The following USP16 variants were observed in gnomAD, a reference collection of about 807,000 sequenced individuals.
USP16 encodes the protein ubiquitin specific peptidase 16.
USP16 carries 77 observed loss-of-function variants against 95.9 expected under a neutral mutation model. The ratio of observed to expected loss-of-function variants is 0.80; its 90% confidence interval spans 0.67 to 0.97. The LOEUF is 0.97. Ranked by LOEUF, USP16 falls within the 50% of genes least tolerant of loss-of-function variation. USP16 has a pLI of 0.00. For missense variants in USP16, 943 were observed against 959.9 expected (o/e 0.98, Z 0.23); for synonymous variants, 303 against 318.2 (o/e 0.95, Z 0.51).
Position 29,039,110 on chromosome 21 carries a change from A to G in USP16, c.817A>G (p.Lys273Glu), listed in dbSNP as rs926965396. The part of the protein sequence containing the change: ...QFLNEMQETK[K>E]GVVTPKELFS... ...TCTTAATGAGATGCAAGAGACCAAA[A>G]AGGGGGTTGTGACACCGAAAGAACT... Residue 273 changes from lysine (K) to glutamate (E), a missense_variant, in exon 8 of 18, where the codon AAG becomes GAG. By Grantham distance (56) the Lys-to-Glu change is moderately conservative (BLOSUM62 1). Coordinates refer to ENST00000399976, the MANE Select transcript of USP16 (RefSeq NM_006447.3). 6.3e-7 allele frequency: 1 copy of G among 1,586,438 alleles called. No homozygotes were observed.
At position 29,050,101 on chromosome 21, in the gene USP16, A is replaced by C; in HGVS notation, c.2116A>C (p.Asn706His). 3.1e-6 allele frequency: 5 copies of C among 1,612,946 alleles called. No homozygotes were observed. Among genetic ancestry groups the C allele is most frequent in the Non-Finnish European group, 3.4e-6 (4 of 1,179,648 alleles). ...HLKRFQQAGFNLRKVNKHIKF... is the reference protein window; with the variant it reads ...HLKRFQQAGFHLRKVNKHIKF... ...TATGCTTCTCTTTTAGGCTGGTTTTAACCTACGCAAAGTTAACAAACACAT... is the reference window on the plus strand; with the variant it reads ...TATGCTTCTCTTTTAGGCTGGTTTTCACCTACGCAAAGTTAACAAACACAT... The change falls in exon 16 of 18, where the codon AAC (asparagine) becomes CAC (histidine). Residue 706 changes from asparagine (N) to histidine (H), a missense_variant. Physicochemically the swap from Asn to His is moderately conservative, Grantham distance 68 (BLOSUM62 1). Transcript: ENST00000399976.
At chr21:29,053,551 T>TCA in intron 16 of USP16, 1 of 382,728 alleles carries the variant, frequency 2.6e-6, no homozygotes, top group Non-Finnish European at 4.7e-6. Context: ...ATTTGGTATC[T>TCA]GAGCCAGGTA....
At chr21:29,047,605 G>A (rs1275361912) in intron 14 of USP16, among the ~76,000 whole-genome samples, 1 of 152,028 alleles carries the variant, frequency 6.6e-6, no homozygotes, top group African/African-American at 2.4e-5. Context: ...ACACATAGTG[G>A]CTATTTTTTT....
intron 1 of USP16, chr21:29,024,987 T>A: frequency 2.4e-6 from 1 of 419,016 alleles, no homozygotes; most frequent in Admixed American, 4.7e-5. Flanking sequence ...CTGGCGGCCT[T>A]CTCGACCCCG....
In USP16 at chr21:29,026,163, C is replaced by A. The variant is rs117880008; in HGVS notation, c.-42+1386C>A. Among the ~76,000 whole-genome samples, 559 of 152,146 alleles carry A rather than the reference C, an allele frequency of 3.7e-3. 9 individuals are homozygous for A. The East Asian group carries it at 0.059, about 16-fold the overall frequency. The stretch of plus-strand genomic sequence containing the variant: ...GTACAAAGTGTTTTGGAGTGGAGTA[C>A]AAGAGAAGGACTTGGCCAGGTGCTG... On this transcript the variant is annotated intron_variant, in intron 1 of 17. Coordinates refer to ENST00000399976, the MANE Select transcript of USP16 (RefSeq NM_006447.3).
chr21:29,039,463 C>G lies in USP16; in HGVS notation c.864-18C>G. ...AGTAGACTGAAGATTGCTTTTCTGT[C>G]TTTTTGTTTTTCTCTAGAGCAGTGC... On this transcript the variant is annotated intron_variant, in intron 8 of 17. Coordinates refer to ENST00000399976, the MANE Select transcript of USP16 (RefSeq NM_006447.3). 6.2e-7 allele frequency: 1 copy of G among 1,609,560 alleles called. No homozygotes were observed. The highest frequency in any genetic ancestry group is 8.5e-7 in the Non-Finnish European group (1 of 1,177,240).
In USP16 at chr21:29,030,453, A is replaced by G. The variant is rs1568882923; in HGVS notation, c.62-142A>G. ...TTTATCTCATATTATTCAAATATCA[A>G]ACAATTTTAAGTTCAGAATATCTTA... On this transcript the variant is annotated intron_variant, in intron 2 of 17. Transcript: ENST00000399976. The G allele has an allele frequency of 5.6e-6, 4 of 711,114 alleles. No homozygotes were observed. In the South Asian group the frequency reaches 1.8e-4, roughly 33 times the overall value. The allele number at this position is 711,114 out of a possible 1,614,324, so 44.1% of individuals were successfully genotyped here. A position where few individuals can be genotyped will look rare whatever the true frequency, so the allele number is the denominator to read the frequency against.
intron 9 of USP16, 142 bp downstream of exon 9, chr21:29,039,710 A>G: frequency 3.1e-6 from 2 of 642,610 alleles, no homozygotes; most frequent in South Asian, 4.2e-5. Flanking sequence ...CAGCTTTTTC[A>G]ACTAGTATGT....
chr21:29,036,447 C>T (rs751900105), intron 5 of USP16, 73 bp downstream of exon 5: 434 of 1,368,150 alleles, frequency 3.2e-4, no homozygotes, highest in Non-Finnish European at 4.1e-4. Flanking sequence ...ATTTGTTATA[C>T]TACCTAGCAT....
Position 29,043,483 on chromosome 21 carries a change from G to T in USP16, c.1240G>T (p.Asp414Tyr). 6.3e-7 allele frequency: 1 copy of T among 1,597,100 alleles called. No individual in the cohort carries two copies. The highest frequency in any genetic ancestry group is 8.5e-7 in the Non-Finnish European group (1 of 1,173,354). Residue 414 changes from aspartate to tyrosine, a missense_variant, in exon 13 of 18, where the codon GAT becomes TAT. By Grantham distance (160) the Asp-to-Tyr change is radical (BLOSUM62 -3). Transcript: ENST00000399976. ...LKKTVEDEDQ[D>Y]SEEEKDNDSY... ...AAAGACAGTGGAGGATGAAGATCAA[G>T]ATAGTGAGGAAGAAAAAGATAACGA...
Position 29,036,266 on chromosome 21 carries a change from C to A in USP16, c.345-5C>A. 6.3e-7 allele frequency: 1 copy of A among 1,594,388 alleles called. No homozygotes were observed. Among genetic ancestry groups the A allele is most frequent in the South Asian group, 1.1e-5 (1 of 87,754 alleles). On this transcript the variant is annotated splice_region_variant and splice_polypyrimidine_tract_variant and intron_variant, in intron 4 of 17. Transcript: ENST00000399976. ...CATTTTTCATCTCTGATTTTTGGGT[C>A]ACAGGTGTTACGTATGTGATAATGA...
chr21:29,051,242 T>C (rs573506602), intron 16 of USP16, among the ~76,000 whole-genome samples: 6 of 152,278 alleles, frequency 3.9e-5, no homozygotes, highest in African/African-American at 1.2e-4. Flanking sequence ...GACTTCAGTT[T>C]TAGATACATT....
intron 16 of USP16, among the ~76,000 whole-genome samples, chr21:29,050,853 G>T (rs530475959): frequency 5.6e-4 from 85 of 152,304 alleles, no homozygotes; most frequent in Middle Eastern, 6.8e-3. Flanking sequence ...AAGCACTGGG[G>T]TGGCATGGTC....
chr21:29,024,892 A>G (rs981787669), intron 1 of USP16, 115 bp downstream of exon 1: 3 of 1,086,422 alleles, frequency 2.8e-6, no homozygotes, highest in South Asian at 3.2e-5. Flanking sequence ...CTCCTTAAGC[A>G]CGTAACCCGG....
In USP16 at chr21:29,046,749, A is replaced by T; in HGVS notation, c.1439A>T (p.Glu480Val). 6.2e-7 allele frequency: 1 copy of T among 1,614,052 alleles called. No individual in the cohort carries two copies. Among genetic ancestry groups the T allele is most frequent in the Admixed American group, 1.7e-5 (1 of 60,022 alleles). The part of the protein sequence containing the change: ...ICTIDHPEDS[E>V]YEAEMSLQGE... Reference sequence around the variant, plus strand: ...ACTATTGACCATCCTGAAGACAGTGAATATGAAGCTGAAATGTCACTTCAA... The same window carrying T: ...ACTATTGACCATCCTGAAGACAGTGTATATGAAGCTGAAATGTCACTTCAA... Residue 480 changes from glutamate to valine, a missense_variant, in exon 14 of 18, where the codon GAA becomes GTA. By Grantham distance (121) the Glu-to-Val change is moderately radical (BLOSUM62 -2). Transcript: ENST00000399976.
chr21:29,037,656 G>A (rs958056692), intron 6 of USP16, among the ~76,000 whole-genome samples, 193 bp downstream of exon 6: 1 of 145,138 alleles, frequency 6.9e-6, no homozygotes, highest in African/African-American at 2.6e-5. Flanking sequence ...CACGATCGTG[G>A]CTCACTGCAG....
At chr21:29,047,983 A>AT (rs1278546410) in intron 14 of USP16, among the ~76,000 whole-genome samples, 1 of 149,044 alleles carries the variant, frequency 6.7e-6, no homozygotes, top group African/African-American at 2.5e-5. Context: ...TATATATATA[A>AT]GCTCAGAGAC....
At position 29,049,325 on chromosome 21, in the gene USP16, G is replaced by A. The variant is rs138797032; in HGVS notation, c.2106+470G>A. Among the ~76,000 whole-genome samples the A allele has an allele frequency of 1.8e-3, 279 of 152,244 alleles. 2 individuals carry two copies. The highest frequency in any genetic ancestry group is 6.8e-3 in the Middle Eastern group (2 of 294). ...ACTTCTAAACTGTGTTGCAAATTCC[G>A]AAAGTACTTTCAGTATCTTCAGAAC... is the stretch of plus-strand genomic sequence containing the variant. On this transcript the variant is annotated intron_variant, in intron 15 of 17. Coordinates refer to ENST00000399976, the MANE Select transcript of USP16 (RefSeq NM_006447.3).
At chr21:29,038,053 T>C (rs1271891735) in intron 6 of USP16, among the ~76,000 whole-genome samples, 4 of 152,074 alleles carry the variant, frequency 2.6e-5, no homozygotes, top group African/African-American at 9.7e-5. Context: ...CTACAGGTAG[T>C]GGTAAGTGGT....
Sources: gnomAD v4.1 joint callset for allele counts (sites outside exome capture counted in the v4.1 genomes callset) on GRCh38, gnomAD v4.1.1 for gene constraint, MANE v1.5 for transcripts, NCBI Gene and HGNC (gene_info 2026-07-23, HGNC 2026-07-21) for gene names.